MAML1: variants seen among roughly 807,000 people sequenced by gnomAD.
MAML1 encodes mastermind like transcriptional coactivator 1, also known as mastermind-like protein 1.
In MAML1, 14 loss-of-function variants were observed where a neutral mutation model predicts 77.1. The ratio of observed to expected loss-of-function variants is 0.18; its 90% CI spans 0.12 to 0.28. MAML1 has a LOEUF of 0.28. MAML1 is among the 10% of genes least tolerant of loss of function. The pLI, the probability that MAML1 is intolerant of heterozygous loss-of-function variation, is 1.00. For synonymous variants in MAML1, 516 were observed against 551.9 expected, an observed-to-expected ratio of 0.93 and a Z score of 0.91; for missense variants, 1,217 against 1,327.8, an observed-to-expected ratio of 0.92 and a Z score of 1.30.
chr5:179,759,179 C>T (rs781710005), intron 1 of MAML1, among the ~76,000 whole-genome samples: 3 of 152,186 alleles, frequency 2.0e-5, no homozygotes, highest in Non-Finnish European at 4.4e-5. Flanking sequence ...GCAAGCTTCT[C>T]TTTCGGCATC....
rs982737497 is a variant in MAML1 at position 179,771,926 on chromosome 5, T to A, written c.2068+683T>A. On this transcript the variant is annotated intron_variant, in intron 4 of 4. Coordinates refer to ENST00000292599, the MANE Select transcript of MAML1 (RefSeq NM_014757.5). This position sits in a 1 kb window ranked among gnomAD's most constrained non-coding sequence, Gnocchi z 4.7. ...GGGTCCCAGAGAGACTGACCACAGC[T>A]GTGTGTCCTGGAGGAGACCAGGTAC... Among the ~76,000 whole-genome samples, 3 of 152,204 alleles carry A rather than the reference T, an allele frequency of 2.0e-5. No individual in the cohort carries two copies. Among genetic ancestry groups the A allele is most frequent in the Admixed American group, 2.0e-4 (3 of 15,270 alleles).
chr5:179,774,199 C>G lies in MAML1; in HGVS notation c.2373C>G (p.Thr791=). 3 of 1,613,456 alleles carry G rather than the reference C, an allele frequency of 1.9e-6. No individual in the cohort carries two copies. Among genetic ancestry groups the G allele is most frequent in the Non-Finnish European group, 2.5e-6 (3 of 1,179,964 alleles). The change falls in exon 5 of 5, where the codon ACC becomes ACG. Residue 791 remains threonine, a synonymous_variant. Transcript: ENST00000292599. ...GGCAGACCAACGTGGGCCAGAACAC[C>G]TCCGTCTCAGCTGCCTATGGGCAGA... is the stretch of plus-strand genomic sequence containing the variant. The part of the protein sequence containing the change: ...IPRQTNVGQN[T]SVSAAYGQNS...
intron 1 of MAML1, among the ~76,000 whole-genome samples, chr5:179,755,870 TTTTCC>T (rs1373688453): frequency 1.1e-4 from 16 of 151,716 alleles, no homozygotes; most frequent in African/African-American, 3.9e-4. Flanking sequence ...GTTGAAGCAG[TTTTCC>T]TCCTTCAGCC....
In MAML1 at chr5:179,774,380, C is replaced by G. The variant is rs1310997215; in HGVS notation, c.2554C>G (p.Pro852Ala). ...AATGCCGAACCTCAGTGGCCAGACC[C>G]CAGGGAACAGCAACGTGAGTCCCTT... ...QGMPNLSGQT[P>A]GNSNVSPFTA... The change falls in exon 5 of 5, where the codon CCA becomes GCA. Residue 852 changes from proline (P) to alanine (A), a missense_variant. By Grantham distance (27) the Pro-to-Ala change is conservative. Around this residue, in one of 3 missense-constraint regions of MAML1, gnomAD observed 884 missense variants for 949.3 expected, o/e 0.93. Transcript: ENST00000292599. 1 of 1,613,210 alleles carries G rather than the reference C, an allele frequency of 6.2e-7. No individual in the cohort carries two copies. The highest frequency in any genetic ancestry group is 8.5e-7 in the Non-Finnish European group (1 of 1,180,030).
rs768616160 is a variant in MAML1 at position 179,771,927 on chromosome 5, G to A, written c.2068+684G>A. 2.6e-5 allele frequency among the ~76,000 whole-genome samples: 4 copies of A among 152,238 alleles called. No homozygotes were observed. Among genetic ancestry groups the A allele is most frequent in the Non-Finnish European group, 5.9e-5 (4 of 68,040 alleles). ...GGTCCCAGAGAGACTGACCACAGCT[G>A]TGTGTCCTGGAGGAGACCAGGTACG... On this transcript the variant is annotated intron_variant, in intron 4 of 4. Transcript: ENST00000292599. The surrounding 1 kb of genome is among the most constrained non-coding windows in gnomAD (Gnocchi z 4.7).
In MAML1 at chr5:179,774,020, C is replaced by T; in HGVS notation, c.2194C>T (p.Pro732Ser). 5 of 1,614,218 alleles carry T rather than the reference C, an allele frequency of 3.1e-6. No individual in the cohort carries two copies. Among genetic ancestry groups the T allele is most frequent in the Non-Finnish European group, 4.2e-6 (5 of 1,180,052 alleles). The change falls in exon 5 of 5, where the codon CCC becomes TCC. Residue 732 changes from proline to serine, a missense_variant. Around this residue, in one of 3 missense-constraint regions of MAML1, gnomAD observed 884 missense variants for 949.3 expected, o/e 0.93. Coordinates refer to ENST00000292599, the MANE Select transcript of MAML1 (RefSeq NM_014757.5). ...GPGHASVSSL[P>S]TNSGQQDRGV... ...TGGACATGCTTCAGTTTCCTCTCTC[C>T]CCACAAACTCAGGCCAACAGGACCG...
In MAML1 at chr5:179,775,469, A is replaced by T; in HGVS notation, c.*592A>T. 1 of 985,278 alleles carries T rather than the reference A, an allele frequency of 1.0e-6. No individual in the cohort carries two copies. The highest frequency in any genetic ancestry group is 1.7e-5 in the African/African-American group (1 of 57,290). 61.0% of individuals were successfully genotyped at this position (985,278 alleles called of 1,614,324 possible). On this transcript the variant is annotated 3_prime_UTR_variant, in exon 5 of 5. Transcript: ENST00000292599. ...TGCTCTTTGTCAGCTTTCAGGGGAG[A>T]AGGAGGCCACTGGAAAATTATTTCC...
chr5:179,775,947 G>A lies in MAML1; in HGVS notation c.*1070G>A. On this transcript the variant is annotated 3_prime_UTR_variant, in exon 5 of 5. Coordinates refer to ENST00000292599, the MANE Select transcript of MAML1 (RefSeq NM_014757.5). ...GAAGGAGGCCGTAGGCCGGCCCGGA[G>A]GAAGCAATTCCACTTGGTTTGACAA... 1.0e-6 allele frequency: 1 copy of A among 985,738 alleles called. No individual in the cohort carries two copies. The highest frequency in any genetic ancestry group is 4.7e-5 in the South Asian group (1 of 21,288). The allele number at this position is 985,738 out of a possible 1,614,324, so 61.1% of individuals were successfully genotyped here.
At chr5:179,753,199 G>A (rs954951601) in intron 1 of MAML1, among the ~76,000 whole-genome samples, 2 of 97,442 alleles carry the variant, frequency 2.1e-5, no homozygotes, top group African/African-American at 6.6e-5. Context: ...GTGTGTGTGT[G>A]TGTGTGTGTG....
At chr5:179,734,454 C>G (rs1779127649) in intron 1 of MAML1, among the ~76,000 whole-genome samples, 1 of 152,142 alleles carries the variant, frequency 6.6e-6, no homozygotes, top group Non-Finnish European at 1.5e-5. Flanking sequence ...CTTTTAATGT[C>G]CCTCACAGGT....
rs1240790513 is a variant in MAML1, at chr5:179,771,756, C to G, written c.2068+513C>G. On this transcript the variant is annotated intron_variant, in intron 4 of 4. Transcript: ENST00000292599. The surrounding 1 kb of genome is among the most constrained non-coding windows in gnomAD (Gnocchi z 4.7). The stretch of plus-strand genomic sequence containing the variant: ...TCTAGCTGTCGCCTCTGAGATGTGC[C>G]AGGGAACTTCATAGGCCATCCCTCC... 6.6e-6 allele frequency among the ~76,000 whole-genome samples: 1 copy of G among 152,206 alleles called. No homozygotes were observed. Among genetic ancestry groups the G allele is most frequent in the Non-Finnish European group, 1.5e-5 (1 of 68,040 alleles).
At position 179,766,859 on chromosome 5, in the gene MAML1, T is replaced by C; in HGVS notation, c.1731+118T>C. The C allele has an allele frequency of 1.3e-6, 1 of 764,502 alleles. No individual in the cohort carries two copies. The highest frequency in any genetic ancestry group is 2.0e-6 in the Non-Finnish European group (1 of 502,796). The allele number at this position is 764,502 out of a possible 1,614,324, so 47.4% of individuals were successfully genotyped here. On this transcript the variant is annotated intron_variant, in intron 2 of 4. Coordinates refer to ENST00000292599, the MANE Select transcript of MAML1 (RefSeq NM_014757.5). This position sits in a 1 kb window ranked among gnomAD's most constrained non-coding sequence, Gnocchi z 4.0. Reference sequence around the variant, plus strand: ...GTGGGAAGAGGGAGGAGGGAATAGCTGCTGTCATCCTTGCTCCTCTTGGGA... The same window carrying C: ...GTGGGAAGAGGGAGGAGGGAATAGCCGCTGTCATCCTTGCTCCTCTTGGGA...
chr5:179,752,346 A>T (rs372694474), intron 1 of MAML1, among the ~76,000 whole-genome samples: 33,428 of 83,188 alleles, frequency 0.4, 8,692 homozygotes, highest in South Asian at 0.6. Context: ...AAAAAAAAAA[A>T]AAAAATATAT....
chr5:179,760,875 A>G (rs1405029644), intron 1 of MAML1, among the ~76,000 whole-genome samples: 3 of 151,034 alleles, frequency 2.0e-5, no homozygotes, highest in African/African-American at 7.3e-5. Context: ...GCAGATCACA[A>G]GGTCAGGAGA....
In MAML1 at chr5:179,753,651, A is replaced by ATTTTTTT. The variant is rs372124056; in HGVS notation, c.316-11673_316-11672insTTTTTTT. ...CTGTTTGGGTTGTTTTATTATTATT[A>ATTTTTTT]TTATTTTTTTTTTTTTTTTTTTTTT... is the stretch of plus-strand genomic sequence containing the variant. On this transcript the variant is annotated intron_variant, in intron 1 of 4. Coordinates refer to ENST00000292599, the MANE Select transcript of MAML1 (RefSeq NM_014757.5). Among the ~76,000 whole-genome samples the ATTTTTTT allele has an allele frequency of 3.5e-4, 23 of 66,358 alleles. 1 individual carries two copies. Among genetic ancestry groups the ATTTTTTT allele is most frequent in the South Asian group, 1.6e-3 (3 of 1,894 alleles). 43.5% of individuals were successfully genotyped at this position (66,358 alleles called of 152,430 possible). A position where few individuals can be genotyped will look rare whatever the true frequency, so the allele number is the denominator to read the frequency against.
At position 179,766,398 on chromosome 5, in the gene MAML1, A is replaced by G; in HGVS notation, c.1388A>G (p.Lys463Arg). ...SSYKQDFTNS[K>R]LLMMPSVNKS... ...TACAAGCAAGACTTCACTAACTCCA[A>G]ACTGCTCATGATGCCTAGTGTGAAT... The change falls in exon 2 of 5, where the codon AAA (lysine) becomes AGA (arginine). Residue 463 changes from lysine (K) to arginine (R), a missense_variant. Coordinates refer to ENST00000292599, the MANE Select transcript of MAML1 (RefSeq NM_014757.5). The surrounding 1 kb of genome is among the most constrained non-coding windows in gnomAD (Gnocchi z 4.0). The G allele has an allele frequency of 1.2e-6, 2 of 1,611,940 alleles. No individual in the cohort carries two copies. Among genetic ancestry groups the G allele is most frequent in the Non-Finnish European group, 1.7e-6 (2 of 1,178,840 alleles).
chr5:179,774,780 G>A lies in MAML1; in HGVS notation c.2954G>A (p.Ser985Asn). 6.2e-7 allele frequency: 1 copy of A among 1,613,758 alleles called. No individual in the cohort carries two copies. ...CAGCCAGGTGGCAGTGGGCTCTCTA[G>A]TGTGGCTGGACACACCGATCTGATC... ...SGQPGGSGLS[S>N]VAGHTDLIDS... Residue 985 changes from serine (S) to asparagine (N), a missense_variant, in exon 5 of 5, where the codon AGT becomes AAT. By Grantham distance (46) the Ser-to-Asn change is conservative (BLOSUM62 1). Coordinates refer to ENST00000292599, the MANE Select transcript of MAML1 (RefSeq NM_014757.5).
intron 1 of MAML1, 27 bp downstream of exon 1, chr5:179,733,454 T>C: frequency 9.2e-7 from 1 of 1,089,004 alleles, no homozygotes; most frequent in Non-Finnish European, 1.1e-6. Context: ...AAGGCGCTTG[T>C]CGTGGCGGCA....
At chr5:179,743,858 C>CAACT (rs1779329864) in intron 1 of MAML1, among the ~76,000 whole-genome samples, 1 of 151,966 alleles carries the variant, frequency 6.6e-6, no homozygotes, top group East Asian at 1.9e-4. Context: ...TAATTTGAAT[C>CAACT]AACTCTTTTA....
Sources: allele counts gnomAD v4.1 joint callset (sites outside exome capture counted in the v4.1 genomes callset), GRCh38; gene constraint gnomAD v4.1.1; regional missense constraint gnomAD v4.1.1; non-coding constraint Gnocchi (gnomAD v3.1); transcripts MANE v1.5; gene names NCBI Gene and HGNC (gene_info 2026-07-23, HGNC 2026-07-21).